BMPER: variants seen among roughly 807,000 people sequenced by gnomAD.
BMPER encodes BMP-binding endothelial regulator protein.
BMPER carries 45 observed loss-of-function variants against 87.3 expected under a neutral mutation model. The observed-to-expected ratio is 0.52, with a 90% confidence interval of 0.41 to 0.66. The LOEUF is 0.66. Ranked by LOEUF, BMPER falls within the 30% of genes least tolerant of loss-of-function variation. The probability of loss-of-function intolerance (pLI) is 0.00; values close to 1 mark genes in which losing one functional copy is unlikely to be tolerated. For missense variants in BMPER, 784 were observed against 867.5 expected, an observed-to-expected ratio of 0.90 and a Z score of 1.21; for synonymous variants, 326 against 316.2, an observed-to-expected ratio of 1.03 and a Z score of -0.33.
chr7:33,908,168 C>G lies in BMPER; in HGVS notation c.219+1265C>G, dbSNP rs74440882. Among the ~76,000 whole-genome samples the G allele has an allele frequency of 4.4e-3, 671 of 152,202 alleles. 2 individuals carry two copies. Among genetic ancestry groups the G allele is most frequent in the Non-Finnish European group, 8.0e-3 (546 of 67,994 alleles). On this transcript the variant is annotated intron_variant, in intron 2 of 14. Coordinates refer to ENST00000649409, the MANE Select transcript of BMPER (RefSeq NM_001365308.1). ...AAGAAGCTTTCAGTTTAAATTTTGACTCAGTTGTAGATTTACAAATGCAGT... is the reference window on the plus strand; with the variant it reads ...AAGAAGCTTTCAGTTTAAATTTTGAGTCAGTTGTAGATTTACAAATGCAGT...
chr7:33,915,476 A>G lies in BMPER; in HGVS notation c.219+8573A>G, dbSNP rs571367025. 1.2e-4 allele frequency among the ~76,000 whole-genome samples: 18 copies of G among 152,334 alleles called. No individual in the cohort carries two copies. The East Asian group carries it at 3.3e-3, about 28-fold the overall frequency. ...TGTTTAAAGCCCATTTTGTCAGTGAAGTGCAGCTGTGGTGTGGGGGCCTGA... is the reference window on the plus strand; with the variant it reads ...TGTTTAAAGCCCATTTTGTCAGTGAGGTGCAGCTGTGGTGTGGGGGCCTGA... On this transcript the variant is annotated intron_variant, in intron 2 of 14. Coordinates refer to ENST00000649409, the MANE Select transcript of BMPER (RefSeq NM_001365308.1).
At chr7:33,943,062 G>C (rs1315183318) in intron 3 of BMPER, among the ~76,000 whole-genome samples, 1 of 151,806 alleles carries the variant, frequency 6.6e-6, no homozygotes, top group African/African-American at 2.4e-5. Context: ...GCACAATCAT[G>C]TTTAATTTTA....
intron 6 of BMPER, among the ~76,000 whole-genome samples, chr7:34,007,591 A>G (rs572703570): frequency 9.9e-5 from 15 of 151,980 alleles, no homozygotes; most frequent in African/African-American, 3.6e-4. Context: ...TTAATTATAC[A>G]TCTTGGATGT....
intron 6 of BMPER, among the ~76,000 whole-genome samples, chr7:34,008,449 T>TA (rs976345929): frequency 3.3e-5 from 5 of 151,636 alleles, no homozygotes; most frequent in South Asian, 2.1e-4. Context: ...ACTTTGAGAT[T>TA]AAAAAAAAAT....
At chr7:34,108,665 C>G (rs184603288) in intron 13 of BMPER, among the ~76,000 whole-genome samples, 1 of 152,228 alleles carries the variant, frequency 6.6e-6, no homozygotes, top group Non-Finnish European at 1.5e-5. Context: ...ACTTTTTGGA[C>G]TACATTTTTC....
intron 6 of BMPER, among the ~76,000 whole-genome samples, chr7:34,031,521 T>G (rs1376648221): frequency 6.6e-6 from 1 of 152,056 alleles, no homozygotes; most frequent in Non-Finnish European, 1.5e-5. Context: ...ACTACCCATG[T>G]GTTCTTGGTG....
chr7:33,916,581 C>T (rs1328651513), intron 2 of BMPER, among the ~76,000 whole-genome samples: 1 of 152,212 alleles, frequency 6.6e-6, no homozygotes, highest in Non-Finnish European at 1.5e-5. Context: ...GACATGTGGG[C>T]CCTGCACATT....
intron 2 of BMPER, among the ~76,000 whole-genome samples, chr7:33,914,165 C>T (rs1477063007): frequency 6.6e-6 from 1 of 151,970 alleles, no homozygotes; most frequent in Non-Finnish European, 1.5e-5. Flanking sequence ...CGGGGTTTCA[C>T]CGTGTTAGCC....
At chr7:34,133,988 GTAGTACA>G (rs1045375445) in intron 13 of BMPER, among the ~76,000 whole-genome samples, 1 of 152,164 alleles carries the variant, frequency 6.6e-6, no homozygotes, top group African/African-American at 2.4e-5. Flanking sequence ...GACGTTCGAT[GTAGTACA>G]TAGGTGAAAT....
chr7:34,047,182 G>C (rs938958995), intron 7 of BMPER, among the ~76,000 whole-genome samples: 2 of 152,212 alleles, frequency 1.3e-5, no homozygotes, highest in Non-Finnish European at 2.9e-5. Flanking sequence ...CATGTTGCCA[G>C]CTGAAAGGGG....
chr7:34,017,905 C>T (rs1787074292), intron 6 of BMPER, among the ~76,000 whole-genome samples: 1 of 150,262 alleles, frequency 6.7e-6, no homozygotes, highest in South Asian at 2.1e-4. Flanking sequence ...GTGTTACTCT[C>T]TTCTTGGGAG....
intron 3 of BMPER, among the ~76,000 whole-genome samples, chr7:33,951,479 A>G (rs1468629660): frequency 6.6e-6 from 1 of 151,998 alleles, no homozygotes; most frequent in Non-Finnish European, 1.5e-5. Flanking sequence ...CATTTTTTAC[A>G]TTTCACTTTG....
At chr7:33,930,134 G>A (rs1784447946) in intron 2 of BMPER, among the ~76,000 whole-genome samples, 1 of 152,164 alleles carries the variant, frequency 6.6e-6, no homozygotes, top group Admixed American at 6.5e-5. Context: ...CAGCTGGGGA[G>A]TTTGGGTCCT....
intron 2 of BMPER, among the ~76,000 whole-genome samples, chr7:33,919,021 A>T (rs1479804349): frequency 6.6e-6 from 1 of 152,082 alleles, no homozygotes; most frequent in Non-Finnish European, 1.5e-5. Context: ...CATGTACCAG[A>T]TGGTGTTGCT....
At chr7:33,935,146 G>A (rs931777664) in intron 2 of BMPER, among the ~76,000 whole-genome samples, 1 of 152,094 alleles carries the variant, frequency 6.6e-6, no homozygotes, top group African/African-American at 2.4e-5. Context: ...AAATCTAAGG[G>A]CTGTGCCTTA....
chr7:34,015,998 A>AAG (rs1261015394), intron 6 of BMPER, among the ~76,000 whole-genome samples: 3 of 151,176 alleles, frequency 2.0e-5, no homozygotes, highest in East Asian at 2.0e-4. Flanking sequence ...GAGAGAGAGG[A>AAG]AGAGAGAGAG....
intron 2 of BMPER, among the ~76,000 whole-genome samples, chr7:33,934,158 A>C (rs1435094075): frequency 6.6e-6 from 1 of 152,230 alleles, no homozygotes; most frequent in Non-Finnish European, 1.5e-5. Flanking sequence ...ACTTCTCTCC[A>C]GAGCCACTGG....
chr7:33,914,119 T>G (rs1347254742), intron 2 of BMPER, among the ~76,000 whole-genome samples: 1 of 151,576 alleles, frequency 6.6e-6, no homozygotes, highest in African/African-American at 2.4e-5. Flanking sequence ...CCCGCCACTA[T>G]GCCCGGCTAA....
intron 13 of BMPER, among the ~76,000 whole-genome samples, chr7:34,099,550 C>T (rs931140686): frequency 7.2e-5 from 11 of 152,058 alleles, no homozygotes; most frequent in East Asian, 3.9e-4. Context: ...TTAAATAAAC[C>T]GATTTTATCC....
Sources: allele counts gnomAD v4.1 joint callset (sites outside exome capture counted in the v4.1 genomes callset), GRCh38; gene constraint gnomAD v4.1.1; transcripts MANE v1.5; gene names NCBI Gene and HGNC (gene_info 2026-07-23, HGNC 2026-07-21).